LRRC7: variants seen among roughly 807,000 people sequenced by gnomAD.
LRRC7 encodes the protein leucine rich repeat containing 7.
LRRC7 carries 23 observed loss-of-function variants against 175.7 expected under a neutral mutation model. That is an observed-to-expected ratio of 0.13 (90% CI 0.09 to 0.19). The LOEUF (loss-of-function observed/expected upper bound fraction) is 0.19. LRRC7 is among the 10% of genes least tolerant of loss of function. The probability of loss-of-function intolerance (pLI) is 1.00; values close to 1 mark genes in which losing one functional copy is unlikely to be tolerated. For synonymous variants in LRRC7, 685 were observed against 680.9 expected (o/e 1.01, Z -0.09); for missense variants, 1,354 against 1,904.7 (o/e 0.71, Z 5.38).
intron 8 of LRRC7, among the ~76,000 whole-genome samples, chr1:69,961,469 C>T (rs2101844944): frequency 6.6e-6 from 1 of 152,162 alleles, no homozygotes; most frequent in Middle Eastern, 3.4e-3. Flanking sequence ...CTTCGCAGAA[C>T]TAGAAAAAAC....
At chr1:69,635,467 A>G (rs987230441) in intron 1 of LRRC7, among the ~76,000 whole-genome samples, 8 of 152,278 alleles carry the variant, frequency 5.3e-5, no homozygotes, top group Middle Eastern at 6.8e-3. Context: ...TAGATAATAG[A>G]TAAGGTCAAA....
At chr1:69,872,454 G>C (rs549973748) in intron 7 of LRRC7, among the ~76,000 whole-genome samples, 24 of 151,970 alleles carry the variant, frequency 1.6e-4, no homozygotes, top group Non-Finnish European at 2.9e-4. Flanking sequence ...TGCACAAGCT[G>C]TAAAAGCAAC....
chr1:69,588,247 T>G (rs1270282388), intron 1 of LRRC7, among the ~76,000 whole-genome samples: 1 of 152,230 alleles, frequency 6.6e-6, no homozygotes, highest in Admixed American at 6.5e-5. Flanking sequence ...TGTCTCTTTT[T>G]CAGTAAGATG....
intron 10 of LRRC7, among the ~76,000 whole-genome samples, chr1:69,988,582 T>G (rs80147470): frequency 0.062 from 9,426 of 152,236 alleles, 283 homozygotes; most frequent in South Asian, 0.11. Flanking sequence ...AGAAGGACTT[T>G]AAGCACAACA....
At chr1:69,872,034 A>T (rs1685601605) in intron 7 of LRRC7, among the ~76,000 whole-genome samples, 1 of 152,026 alleles carries the variant, frequency 6.6e-6, no homozygotes, top group Non-Finnish European at 1.5e-5. Context: ...GTAATGAAAC[A>T]TTATATTTTC....
At chr1:69,814,061 T>A (rs185775217) in intron 4 of LRRC7, among the ~76,000 whole-genome samples, 4 of 152,144 alleles carry the variant, frequency 2.6e-5, no homozygotes, top group African/African-American at 9.6e-5. Context: ...CTTTATAAAT[T>A]GAAAACAGTT....
chr1:69,677,709 T>C (rs899567504), intron 1 of LRRC7, among the ~76,000 whole-genome samples: 1 of 152,138 alleles, frequency 6.6e-6, no homozygotes, highest in Non-Finnish European at 1.5e-5. Context: ...TTTTTTAAAT[T>C]TATTTACTTT....
intron 11 of LRRC7, among the ~76,000 whole-genome samples, chr1:70,003,747 AT>A (rs1655745702): frequency 6.6e-6 from 1 of 152,132 alleles, no homozygotes; most frequent in South Asian, 2.1e-4. Context: ...GTGGGCAAAT[AT>A]TAATTGCAGT....
intron 13 of LRRC7, among the ~76,000 whole-genome samples, chr1:70,014,459 G>T (rs1245206723): frequency 6.6e-6 from 1 of 151,964 alleles, no homozygotes; most frequent in Admixed American, 6.6e-5. Context: ...AATGTCAGAA[G>T]TTTAAAATAA....
chr1:70,119,907 T>C (rs762157940), intron 26 of LRRC7, among the ~76,000 whole-genome samples: 2 of 152,136 alleles, frequency 1.3e-5, no homozygotes. Context: ...TAAAGTTCAA[T>C]TTTAATTTCA....
chr1:69,998,701 C>A (rs917307817), intron 11 of LRRC7, among the ~76,000 whole-genome samples: 1 of 152,142 alleles, frequency 6.6e-6, no homozygotes, highest in South Asian at 2.1e-4. Context: ...TACCCTGGCT[C>A]TTTGAAGACA....
At position 69,791,665 on chromosome 1, in the gene LRRC7, T is replaced by A. The variant is rs548921511; in HGVS notation, c.304-378T>A. Among the ~76,000 whole-genome samples the A allele has an allele frequency of 2.6e-5, 4 of 152,018 alleles. No individual in the cohort carries two copies. The South Asian group carries it at 6.2e-4, about 24-fold the overall frequency. ...AAATAATACCTCATGAAATCTAATG[T>A]GGTCACAGAAAAAGAGAACTGAGGT... On this transcript the variant is annotated intron_variant, in intron 3 of 26. Coordinates refer to ENST00000651989, the MANE Select transcript of LRRC7 (RefSeq NM_001370785.2).
At position 69,857,457 on chromosome 1, in the gene LRRC7, T is replaced by G. The variant is rs544438481; in HGVS notation, c.647+19174T>G. 2.7e-4 allele frequency among the ~76,000 whole-genome samples: 41 copies of G among 152,186 alleles called. No individual in the cohort carries two copies. In the South Asian group the frequency reaches 8.5e-3, roughly 32 times the overall value. ...CAATGTGCAAAAATCACAAACATTCTTATACACCAATAACAGACAAACAGC... is the reference window on the plus strand; with the variant it reads ...CAATGTGCAAAAATCACAAACATTCGTATACACCAATAACAGACAAACAGC... On this transcript the variant is annotated intron_variant, in intron 7 of 26. Coordinates refer to ENST00000651989, the MANE Select transcript of LRRC7 (RefSeq NM_001370785.2).
chr1:69,861,417 A>C (rs1464650282), intron 7 of LRRC7, among the ~76,000 whole-genome samples: 1 of 152,216 alleles, frequency 6.6e-6, no homozygotes, highest in Admixed American at 6.5e-5. Context: ...TTAGTGAAAA[A>C]TATTGCAGTG....
chr1:70,041,729 A>G (rs1298411703), intron 21 of LRRC7, among the ~76,000 whole-genome samples: 1 of 152,252 alleles, frequency 6.6e-6, no homozygotes, highest in African/African-American at 2.4e-5. Flanking sequence ...CAACTAATGA[A>G]AAGGAAAAGA....
chr1:70,018,624 TCCCCCCAA>T, intron 14 of LRRC7, 87 bp from the exon 15 acceptor site: 1 of 643,996 alleles, frequency 1.6e-6, no homozygotes, highest in Non-Finnish European at 2.5e-6. Flanking sequence ...TTTCACTTTT[TCCCCCCAA>T]TGTTTATTTA....
intron 11 of LRRC7, among the ~76,000 whole-genome samples, chr1:69,996,243 TG>T (rs1303443632): frequency 1.4e-4 from 22 of 152,140 alleles, no homozygotes; most frequent in African/African-American, 5.3e-4. Context: ...CACTTTTTGA[TG>T]GGGTTGTTTG....
chr1:69,686,940 A>G (rs772287187), intron 2 of LRRC7, among the ~76,000 whole-genome samples: 3 of 152,180 alleles, frequency 2.0e-5, no homozygotes, highest in Non-Finnish European at 2.9e-5. Flanking sequence ...ATTTAAATGA[A>G]AGCTAGAGTG....
intron 25 of LRRC7, among the ~76,000 whole-genome samples, chr1:70,098,891 T>C (rs1215525833): frequency 1.3e-5 from 2 of 151,984 alleles, no homozygotes; most frequent in Non-Finnish European, 2.9e-5. Context: ...CTACCAGAGG[T>C]ACACGGAGGA....
Sources: allele counts gnomAD v4.1 joint callset (sites outside exome capture counted in the v4.1 genomes callset), GRCh38; gene constraint gnomAD v4.1.1; transcripts MANE v1.5; gene names NCBI Gene and HGNC (gene_info 2026-07-23, HGNC 2026-07-21).